LRRC4C: variants seen among roughly 807,000 people sequenced by gnomAD.
LRRC4C encodes the protein leucine-rich repeat-containing protein 4C.
A neutral mutation model predicts 33.6 loss-of-function variants in LRRC4C; 5 were observed. The observed-to-expected ratio is 0.15, with a 90% CI of 0.08 to 0.31. LRRC4C has a LOEUF of 0.31. LRRC4C is among the 10% of genes least tolerant of loss of function. The pLI is 1.00. For synonymous variants in LRRC4C, 329 were observed against 302.0 expected, an observed-to-expected ratio of 1.09 and a Z score of -0.93; for missense variants, 560 against 796.7, an observed-to-expected ratio of 0.70 and a Z score of 3.58.
intron 2 of LRRC4C, among the ~76,000 whole-genome samples, chr11:40,700,302 T>A (rs1945806099): frequency 6.6e-6 from 1 of 152,148 alleles, no homozygotes; most frequent in African/African-American, 2.4e-5. Context: ...CGCAGGTTTT[T>A]ATTGTATTTT....
At chr11:40,704,955 A>C (rs1449411399) in intron 2 of LRRC4C, among the ~76,000 whole-genome samples, 3 of 152,112 alleles carry the variant, frequency 2.0e-5, no homozygotes, top group African/African-American at 7.2e-5. Flanking sequence ...ATTAATATTA[A>C]ATGTAAGAGG....
At chr11:40,723,968 C>G (rs1947159300) in intron 2 of LRRC4C, among the ~76,000 whole-genome samples, 1 of 151,472 alleles carries the variant, frequency 6.6e-6, no homozygotes, top group Admixed American at 6.6e-5. Context: ...ATTCTTGTAT[C>G]AGAAAAAACA....
chr11:40,668,874 T>G (rs1943945701), intron 2 of LRRC4C, among the ~76,000 whole-genome samples: 1 of 152,174 alleles, frequency 6.6e-6, no homozygotes. Flanking sequence ...AATTGATTTT[T>G]GGTTCTTTGT....
intron 1 of LRRC4C, among the ~76,000 whole-genome samples, chr11:41,239,086 C>T (rs780537087): frequency 4.1e-5 from 6 of 147,566 alleles, no homozygotes; most frequent in South Asian, 4.3e-4. Flanking sequence ...GAGGCCGAGG[C>T]GGGCGGATCA....
intron 2 of LRRC4C, among the ~76,000 whole-genome samples, chr11:40,931,780 A>G (rs556490833): frequency 6.6e-6 from 1 of 152,176 alleles, no homozygotes; most frequent in South Asian, 2.1e-4. Context: ...AAAGTTTTAG[A>G]ATTCTTCCTC....
In LRRC4C at chr11:40,540,979, A is replaced by G. The variant is rs150525109; in HGVS notation, c.-270+107163T>C. On this transcript the variant is annotated intron_variant, in intron 3 of 6. Transcript: ENST00000528697. ...CTTTGCAACATTGCTCCTGATATTT[A>G]TACACTCCTCAAAGCACCTATAGGG... Among the ~76,000 whole-genome samples, 1,059 of 152,212 alleles carry G rather than the reference A, an allele frequency of 7.0e-3. 17 individuals carry two copies. The highest frequency in any genetic ancestry group is 0.024 in the African/African-American group (981 of 41,530).
At chr11:40,777,899 AG>A (rs1183077122) in intron 2 of LRRC4C, among the ~76,000 whole-genome samples, 3 of 152,030 alleles carry the variant, frequency 2.0e-5, no homozygotes, top group African/African-American at 7.2e-5. Flanking sequence ...CATGTTAGCC[AG>A]GATGGTCTCG....
At chr11:41,318,953 A>T (rs1247248311) in intron 1 of LRRC4C, among the ~76,000 whole-genome samples, 13 of 152,214 alleles carry the variant, frequency 8.5e-5, no homozygotes, top group Admixed American at 5.9e-4. Flanking sequence ...CCAAATTTTA[A>T]CAATCCCTTT....
intron 1 of LRRC4C, chr11:41,122,972 C>G (rs1399915838): frequency 6.6e-6 from 1 of 152,052 alleles, no homozygotes; most frequent in African/African-American, 2.4e-5. Context: ...TAGTCTTCTC[C>G]GTATTGTTCC....
rs188411118 is a variant in LRRC4C, at chr11:40,366,923, A to T, written c.-269-47202T>A. ...GGGTTTTAACATCAGTGTTAGTTGT[A>T]TCATTCCACATGGCAATTTGAGTTG... On this transcript the variant is annotated intron_variant, in intron 3 of 6. Transcript: ENST00000528697. Among the ~76,000 whole-genome samples the T allele has an allele frequency of 5.3e-5, 8 of 152,242 alleles. 1 individual carries two copies. The East Asian group carries it at 1.5e-3, about 29-fold the overall frequency.
At position 40,333,594 on chromosome 11, in the gene LRRC4C, G is replaced by A. The variant is rs191620315; in HGVS notation, c.-269-13873C>T. 1.6e-3 allele frequency among the ~76,000 whole-genome samples: 245 copies of A among 151,890 alleles called. 1 individual carries two copies. Among genetic ancestry groups the A allele is most frequent in the Non-Finnish European group, 2.9e-3 (200 of 67,970 alleles). ...TAGCAGGGGGTGGTGGCAAGTGCCT[G>A]TAATCCCAGCTACTCAGGGGGCTGA... On this transcript the variant is annotated intron_variant, in intron 3 of 6. Transcript: ENST00000528697.
chr11:40,952,927 CTCTCTTTT>C (rs1958783912), intron 1 of LRRC4C, among the ~76,000 whole-genome samples: 1 of 148,738 alleles, frequency 6.7e-6, no homozygotes, highest in Non-Finnish European at 1.5e-5. Context: ...CTCTCTCTTT[CTCTCTTTT>C]CTTTTGTCCA....
intron 1 of LRRC4C, among the ~76,000 whole-genome samples, chr11:41,351,620 A>G (rs1273152254): frequency 1.3e-5 from 2 of 152,136 alleles, no homozygotes; most frequent in African/African-American, 2.4e-5. Flanking sequence ...AACAAAGGGA[A>G]CCCCATCAGG....
At chr11:40,831,866 TC>T (rs573263429) in intron 2 of LRRC4C, among the ~76,000 whole-genome samples, 6 of 152,202 alleles carry the variant, frequency 3.9e-5, no homozygotes, top group Non-Finnish European at 5.9e-5. Flanking sequence ...ACTGGGTCCC[TC>T]CCATGACACA....
intron 3 of LRRC4C, among the ~76,000 whole-genome samples, chr11:40,498,188 T>C (rs1954568789): frequency 6.6e-6 from 1 of 152,130 alleles, no homozygotes; most frequent in Admixed American, 6.6e-5. Flanking sequence ...AATGATTGAG[T>C]TCTGTTCCTA....
At chr11:41,084,097 T>C (rs568771830) in intron 1 of LRRC4C, among the ~76,000 whole-genome samples, 1 of 152,288 alleles carries the variant, frequency 6.6e-6, no homozygotes, top group African/African-American at 2.4e-5. Context: ...AGGGACTTCT[T>C]GGATTGCTAG....
intron 1 of LRRC4C, among the ~76,000 whole-genome samples, chr11:41,185,197 TAGTA>T (rs974986568): frequency 4.1e-4 from 62 of 152,156 alleles, no homozygotes; most frequent in African/African-American, 1.4e-3. Context: ...AAAAAATAAA[TAGTA>T]GGTAGTATCA....
chr11:41,080,342 CTT>C (rs71060997), intron 1 of LRRC4C, among the ~76,000 whole-genome samples: 1,200 of 103,426 alleles, frequency 0.012, 15 homozygotes, highest in African/African-American at 0.041. Flanking sequence ...GAGTCTCCTC[CTT>C]TTTTTTTTTT....
At chr11:40,389,198 A>G (rs1949237327) in intron 3 of LRRC4C, among the ~76,000 whole-genome samples, 1 of 152,202 alleles carries the variant, frequency 6.6e-6, no homozygotes, top group Admixed American at 6.5e-5. Context: ...CAGAGATCCC[A>G]GCAGGCACAT....
Sources: allele counts gnomAD v4.1 joint callset (sites outside exome capture counted in the v4.1 genomes callset), GRCh38; gene constraint gnomAD v4.1.1; transcripts MANE v1.5; gene names NCBI Gene and HGNC (gene_info 2026-07-23, HGNC 2026-07-21).